The following PTPN2 variants were observed in gnomAD, a reference collection of about 807,000 sequenced individuals.
PTPN2 encodes the protein tyrosine-protein phosphatase non-receptor type 2.
Under a neutral mutation model 57.3 loss-of-function variants are expected in PTPN2, and 19 were observed. That is an observed-to-expected ratio of 0.33 (90% CI 0.23 to 0.49). PTPN2 has a LOEUF of 0.49. Ranked by LOEUF, PTPN2 falls within the 20% of genes least tolerant of loss-of-function variation. PTPN2 has a pLI of 0.99. For missense variants in PTPN2, 358 were observed against 501.1 expected (o/e 0.71, Z 2.73); for synonymous variants, 153 against 164.9 (o/e 0.93, Z 0.55).
At chr18:12,802,239 A>G (rs868487723) in intron 7 of PTPN2, 88 bp from the exon 8 acceptor site, 1 of 1,091,126 alleles carries the variant, frequency 9.2e-7, no homozygotes, top group Non-Finnish European at 1.3e-6. Context: ...AAAATCCTAT[A>G]TTCAAGTTAA....
intron 5 of PTPN2, among the ~76,000 whole-genome samples, chr18:12,817,786 C>T (rs991402304): frequency 6.6e-6 from 1 of 152,174 alleles, no homozygotes; most frequent in African/African-American, 2.4e-5. Context: ...AATCTGTTAC[C>T]ATACATGTTA....
chr18:12,816,080 G>C (rs2042065277), intron 6 of PTPN2, among the ~76,000 whole-genome samples: 1 of 152,160 alleles, frequency 6.6e-6, no homozygotes, highest in Non-Finnish European at 1.5e-5. Flanking sequence ...GAGGCAAGAA[G>C]ATCACTTGAG....
chr18:12,875,414 T>C (rs755759633), intron 1 of PTPN2, among the ~76,000 whole-genome samples: 5 of 152,242 alleles, frequency 3.3e-5, no homozygotes, highest in Non-Finnish European at 1.5e-5. Context: ...GAAATGTATC[T>C]CTTCCTCAGT....
At chr18:12,870,564 A>C (rs1268570047) in intron 1 of PTPN2, among the ~76,000 whole-genome samples, 2 of 125,500 alleles carry the variant, frequency 1.6e-5, no homozygotes, top group Non-Finnish European at 3.2e-5. Context: ...GCTGGAGTGC[A>C]GTGGCGCGAT....
At chr18:12,800,631 TTTAA>T (rs1478636694) in intron 8 of PTPN2, among the ~76,000 whole-genome samples, 1 of 152,170 alleles carries the variant, frequency 6.6e-6, no homozygotes, top group Non-Finnish European at 1.5e-5. Context: ...ATTTCAGGTA[TTTAA>T]TTTTTATATT....
At chr18:12,834,310 G>C (rs186292977) in intron 3 of PTPN2, among the ~76,000 whole-genome samples, 68 of 135,334 alleles carry the variant, frequency 5.0e-4, no homozygotes, top group Middle Eastern at 4.2e-3. Flanking sequence ...CTGGGCAACA[G>C]AGTGAGACTC....
intron 1 of PTPN2, among the ~76,000 whole-genome samples, chr18:12,874,028 G>T (rs1161561109): frequency 6.6e-6 from 1 of 151,514 alleles, no homozygotes; most frequent in Non-Finnish European, 1.5e-5. Context: ...CCCCGTCTGA[G>T]AAGTGAGGAG....
chr18:12,847,166 T>A (rs926429057), intron 2 of PTPN2, among the ~76,000 whole-genome samples: 1 of 151,910 alleles, frequency 6.6e-6, no homozygotes, highest in Non-Finnish European at 1.5e-5. Flanking sequence ...ATACAAGAAA[T>A]AGACCAAAGT....
intron 1 of PTPN2, chr18:12,863,838 T>C (rs1397742897): frequency 1.3e-5 from 2 of 152,206 alleles, no homozygotes; most frequent in African/African-American, 4.8e-5. Flanking sequence ...AATCTAATTA[T>C]TTTTAATATG....
chr18:12,809,987 G>A (rs1198885456), intron 7 of PTPN2, among the ~76,000 whole-genome samples: 1 of 152,126 alleles, frequency 6.6e-6, no homozygotes, highest in Non-Finnish European at 1.5e-5. Context: ...TTTGAGACCA[G>A]CCTGGGCAAC....
chr18:12,883,870 CT>C (rs397959555), intron 1 of PTPN2: 60,257 of 385,442 alleles, frequency 0.16, 258 homozygotes, highest in East Asian at 0.2. Context: ...CTCAAGTATG[CT>C]TTTTTTTTTT....
At chr18:12,875,480 T>C (rs1010386467) in intron 1 of PTPN2, among the ~76,000 whole-genome samples, 21 of 152,156 alleles carry the variant, frequency 1.4e-4, no homozygotes, top group Admixed American at 1.1e-3. Flanking sequence ...ATTTAGTATA[T>C]GGCTAATCAC....
intron 1 of PTPN2, among the ~76,000 whole-genome samples, chr18:12,882,287 T>C (rs545801970): frequency 6.6e-6 from 1 of 152,308 alleles, no homozygotes; most frequent in South Asian, 2.1e-4. Flanking sequence ...AATATGAGCA[T>C]TGACCAACCA....
At position 12,793,388 on chromosome 18, in the gene PTPN2, C is replaced by T. The variant is rs778671686; in HGVS notation, c.*890G>A. On this transcript the variant is annotated 3_prime_UTR_variant, in exon 9 of 9. Coordinates refer to ENST00000309660, the MANE Select transcript of PTPN2 (RefSeq NM_002828.4). ...TTTTGCTTCCTAAATCATAATCTAC[C>T]CCAACTACATTGAAATTTTCATGAA... is the stretch of plus-strand genomic sequence containing the variant. The T allele has an allele frequency of 2.4e-5, 23 of 978,302 alleles. No individual in the cohort carries two copies. The highest frequency in any genetic ancestry group is 5.3e-4 in the Middle Eastern group (1 of 1,904). 60.6% of individuals were successfully genotyped at this position (978,302 alleles called of 1,614,324 possible).
chr18:12,786,060 G>A (rs8092305), intron 9 of PTPN2: 68,057 of 541,844 alleles, frequency 0.13, 4,938 homozygotes, highest in African/African-American at 0.16. Flanking sequence ...GGTGTGACGC[G>A]GCCTCATGTG....
intron 1 of PTPN2, among the ~76,000 whole-genome samples, chr18:12,870,415 GTATATATATACGTATATATATATGTGTA>G (rs1568169362): frequency 9.0e-5 from 4 of 44,302 alleles, no homozygotes; most frequent in African/African-American, 4.7e-4. Context: ...GTATATATAT[GTATATATATACGTATATATATATGTGTA>G]TATATATATA....
chr18:12,845,519 T>G lies in PTPN2; in HGVS notation c.161-8628A>C, dbSNP rs2043180842. 3.3e-5 allele frequency among the ~76,000 whole-genome samples: 5 copies of G among 152,356 alleles called. No homozygotes were observed. The South Asian group carries it at 1.0e-3, about 32-fold the overall frequency. On this transcript the variant is annotated intron_variant, in intron 2 of 8. Coordinates refer to ENST00000309660, the MANE Select transcript of PTPN2 (RefSeq NM_002828.4). ...GTTAATATACAGGAATACAATTGGC[T>G]TCTGTATGCTGACCTTGTATCCCAC... is the stretch of plus-strand genomic sequence containing the variant.
At chr18:12,827,699 T>C (rs527722088) in intron 4 of PTPN2, among the ~76,000 whole-genome samples, 3 of 150,332 alleles carry the variant, frequency 2.0e-5, no homozygotes, top group Admixed American at 6.6e-5. Context: ...AAAAAAAAAT[T>C]TTTTTTAAGT....
intron 1 of PTPN2, among the ~76,000 whole-genome samples, chr18:12,865,509 G>A (rs1039211574): frequency 2.0e-5 from 3 of 151,816 alleles, no homozygotes; most frequent in Non-Finnish European, 4.4e-5. Context: ...TTGGAAGGCT[G>A]AGGTGGGTGG....
Sources: gnomAD v4.1 joint callset for allele counts (sites outside exome capture counted in the v4.1 genomes callset) on GRCh38, gnomAD v4.1.1 for gene constraint, MANE v1.5 for transcripts, NCBI Gene and HGNC (gene_info 2026-07-23, HGNC 2026-07-21) for gene names.